The following KLF8 variants were observed in gnomAD, a reference collection of about 807,000 sequenced individuals.
KLF8 encodes KLF transcription factor 8, also known as Krueppel-like factor 8.
Under a neutral mutation model 18.2 loss-of-function variants are expected in KLF8, and 10 were observed. The ratio of observed to expected loss-of-function variants is 0.55; its 90% CI spans 0.34 to 0.93. The LOEUF (loss-of-function observed/expected upper bound fraction) is 0.93, where lower values mean the gene tolerates loss of function less well. Ranked by LOEUF, KLF8 falls within the 40% of genes least tolerant of loss-of-function variation. KLF8 has a pLI of 0.02. For missense variants in KLF8, 264 were observed against 277.9 expected (o/e 0.95, Z 0.36); for synonymous variants, 109 against 97.3 (o/e 1.12, Z -0.71).
At chrX:56,266,107 A>C in intron 3 of KLF8, 21 of 777,162 alleles carry the variant, frequency 2.7e-5, no homozygotes, top group Non-Finnish European at 3.2e-5. Context: ...CATGCTTCAA[A>C]AATAGTTGAA....
chrX:55,943,535 G>C, the KLF8 span, among the ~76,000 whole-genome samples: 1 of 111,445 alleles, frequency 9.0e-6, no homozygotes, highest in Middle Eastern at 4.6e-3. Context: ...TTCAGATTTC[G>C]CTTCTTATCC....
chrX:55,969,340 C>A, the KLF8 span, among the ~76,000 whole-genome samples: 1 of 111,606 alleles, frequency 9.0e-6, no homozygotes, highest in East Asian at 2.8e-4. Context: ...AAACAATATG[C>A]TCCTGAATGA....
chrX:56,158,215 T>G, the KLF8 span, among the ~76,000 whole-genome samples: 2 of 111,683 alleles, frequency 1.8e-5, no homozygotes, highest in African/African-American at 6.5e-5. Flanking sequence ...TGTGGCATTA[T>G]TTCTGAGGAC....
At chrX:56,186,257 C>T in the KLF8 span, among the ~76,000 whole-genome samples, 1 of 111,059 alleles carries the variant, frequency 9.0e-6, no homozygotes, top group Non-Finnish European at 1.9e-5. Context: ...TTTAAACCAA[C>T]AAAGATCAAA....
At chrX:56,074,732 A>C in the KLF8 span, 1 of 159,663 alleles carries the variant, frequency 6.3e-6, no homozygotes, top group African/African-American at 3.2e-5. Context: ...GAATCTTCCA[A>C]CTTTGTTCTT....
the KLF8 span, among the ~76,000 whole-genome samples, chrX:56,008,845 G>A: frequency 8.9e-6 from 1 of 111,916 alleles, no homozygotes; most frequent in East Asian, 2.8e-4. Flanking sequence ...TGCCTCTTTA[G>A]GCCAGACTCT....
the KLF8 span, among the ~76,000 whole-genome samples, chrX:56,018,636 C>T: frequency 9.0e-6 from 1 of 110,972 alleles, no homozygotes; most frequent in African/African-American, 3.3e-5. Context: ...TGTTAATTTA[C>T]ACACATATAC....
At chrX:56,202,004 C>T in the KLF8 span, among the ~76,000 whole-genome samples, 13 of 111,136 alleles carry the variant, frequency 1.2e-4, no homozygotes, top group East Asian at 1.1e-3. Context: ...TCTTGGGATT[C>T]GGGAAGTATG....
the KLF8 span, among the ~76,000 whole-genome samples, chrX:56,067,511 C>A: frequency 9.0e-6 from 1 of 111,041 alleles, no homozygotes; most frequent in Non-Finnish European, 1.9e-5. Flanking sequence ...GGCTAGTGAG[C>A]ACTAACTCTG....
At chrX:55,997,511 C>A in the KLF8 span, among the ~76,000 whole-genome samples, 1 of 111,549 alleles carries the variant, frequency 9.0e-6, no homozygotes, top group South Asian at 3.8e-4. Flanking sequence ...CCACTCAGGG[C>A]CAGTATGATT....
the KLF8 span, among the ~76,000 whole-genome samples, chrX:56,008,825 G>A: frequency 4.5e-5 from 5 of 112,048 alleles, no homozygotes; most frequent in South Asian, 3.8e-4. Context: ...GTGGCAGATC[G>A]TGGCCAGACT....
the KLF8 span, among the ~76,000 whole-genome samples, chrX:56,099,828 T>A: frequency 8.9e-6 from 1 of 111,902 alleles, no homozygotes; most frequent in Non-Finnish European, 1.9e-5. Context: ...ACCAGAATGA[T>A]GGTTCTTGAG....
chrX:56,197,716 G>A, the KLF8 span, among the ~76,000 whole-genome samples: 3 of 111,584 alleles, frequency 2.7e-5, no homozygotes, highest in Non-Finnish European at 5.6e-5. Context: ...GAAAAAGAGG[G>A]AATCCTCCCT....
At chrX:56,055,105 T>TG in the KLF8 span, among the ~76,000 whole-genome samples, 1 of 111,812 alleles carries the variant, frequency 8.9e-6, no homozygotes, top group East Asian at 2.8e-4. Context: ...TGTGTACATT[T>TG]GATCTTGTCA....
chrX:56,185,819 A>C, the KLF8 span, among the ~76,000 whole-genome samples: 1 of 111,874 alleles, frequency 8.9e-6, no homozygotes, highest in East Asian at 2.8e-4. Context: ...CAGAAAAGCA[A>C]ATGCTGAGAG....
At chrX:56,183,682 A>G in the KLF8 span, among the ~76,000 whole-genome samples, 1 of 111,877 alleles carries the variant, frequency 8.9e-6, no homozygotes, top group Non-Finnish European at 1.9e-5. Context: ...AAATTAAATC[A>G]TATCACCAGA....
the KLF8 span, among the ~76,000 whole-genome samples, chrX:55,961,028 G>A: frequency 2.7e-5 from 3 of 111,096 alleles, no homozygotes; most frequent in Non-Finnish European, 5.7e-5. Flanking sequence ...AAGAGAGTAG[G>A]GGTTGTTATT....
At chrX:56,031,037 A>G in the KLF8 span, among the ~76,000 whole-genome samples, 7 of 110,430 alleles carry the variant, frequency 6.3e-5, no homozygotes, top group African/African-American at 2.3e-4. Flanking sequence ...CTGATGGCCA[A>G]CCTACCTCTA....
chrX:56,115,961 C>T, the KLF8 span, among the ~76,000 whole-genome samples: 1 of 112,433 alleles, frequency 8.9e-6, no homozygotes, highest in Non-Finnish European at 1.9e-5. Flanking sequence ...AAAGCTATTC[C>T]ATTACTGAAT....
Sources: gnomAD v4.1 joint callset for allele counts (sites outside exome capture counted in the v4.1 genomes callset) on GRCh38, gnomAD v4.1.1 for gene constraint, MANE v1.5 for transcripts, NCBI Gene and HGNC (gene_info 2026-07-23, HGNC 2026-07-21) for gene names.